ENTPD6: variants seen among roughly 807,000 people sequenced by gnomAD.
ENTPD6 encodes the protein ectonucleoside triphosphate diphosphohydrolase 6.
ENTPD6 carries 46 observed loss-of-function variants against 61.5 expected under a neutral mutation model. The ratio of observed to expected loss-of-function variants is 0.75; its 90% CI spans 0.59 to 0.96. ENTPD6 has a LOEUF of 0.96. ENTPD6 is among the 40% of genes least tolerant of loss of function. ENTPD6 has a pLI of 0.00. For missense variants in ENTPD6, 612 were observed against 629.0 expected, an observed-to-expected ratio of 0.97 and a Z score of 0.29; for synonymous variants, 252 against 255.5, an observed-to-expected ratio of 0.99 and a Z score of 0.13.
At position 25,226,474 on chromosome 20, in the gene ENTPD6, C is replaced by G. The variant is rs2092796846; in HGVS notation, c.*877C>G. 1 of 152,736 alleles carries G rather than the reference C, an allele frequency of 6.5e-6. No homozygotes were observed. Among genetic ancestry groups the G allele is most frequent in the Admixed American group, 6.5e-5 (1 of 15,284 alleles). 9.5% of individuals were successfully genotyped at this position (152,736 alleles called of 1,614,324 possible). A position where few individuals can be genotyped will look rare whatever the true frequency, so the allele number is the denominator to read the frequency against. ...AGCCAGGGCCATGTCTTAGGTGCAG[C>G]TGTGCCACGGGTCAGCTGAGCCACA... On this transcript the variant is annotated 3_prime_UTR_variant, in exon 15 of 15. Transcript: ENST00000376652.
intron 7 of ENTPD6, 27 bp downstream of exon 7, chr20:25,215,738 T>C (rs1016037359): frequency 2.5e-6 from 4 of 1,613,684 alleles, no homozygotes; most frequent in Non-Finnish European, 3.4e-6. Flanking sequence ...TCACAGAGGC[T>C]AGCCGATCAC....
At chr20:25,198,426 G>C (rs2122374707) in intron 1 of ENTPD6, among the ~76,000 whole-genome samples, 2 of 152,100 alleles carry the variant, frequency 1.3e-5, no homozygotes, top group East Asian at 3.9e-4. Context: ...AGTAAGCTGA[G>C]ATTGTGCTAC....
intron 5 of ENTPD6, 63 bp downstream of exon 5, chr20:25,213,469 A>G: frequency 2.0e-6 from 3 of 1,514,896 alleles, no homozygotes; most frequent in East Asian, 2.3e-5. Context: ...GACTGAAAAC[A>G]ACTGCTGTCT....
In ENTPD6 at chr20:25,209,855, C is replaced by G. The variant is rs747942843; in HGVS notation, c.383C>G (p.Pro128Arg). ...FQFTRPPRET[P>R]TLTHETFKAL... is the part of the protein sequence containing the mutation. ...CAACATGTTTTCCCCTTAGAAACTC[C>G]CACGTTAACCCACGAAACCTTCAAA... The change falls in exon 4 of 15, where the codon CCC becomes CGC. Residue 128 changes from proline to arginine, a missense_variant. Transcript: ENST00000376652. The G allele has an allele frequency of 2.5e-6, 4 of 1,613,948 alleles. No homozygotes were observed. The highest frequency in any genetic ancestry group is 1.7e-5 in the Admixed American group (1 of 60,030).
intron 1 of ENTPD6, chr20:25,197,090 C>T: frequency 1.0e-6 from 1 of 985,446 alleles, no homozygotes; most frequent in Non-Finnish European, 1.2e-6. Context: ...TAATGTGCTT[C>T]ATTTTTTGAT....
intron 1 of ENTPD6, among the ~76,000 whole-genome samples, chr20:25,199,261 G>A (rs938029392): frequency 1.3e-5 from 2 of 152,180 alleles, no homozygotes; most frequent in African/African-American, 4.8e-5. Flanking sequence ...GAGGAGCTCC[G>A]CCAGCACATT....
chr20:25,201,380 A>G (rs2091019525), intron 1 of ENTPD6, among the ~76,000 whole-genome samples: 1 of 152,142 alleles, frequency 6.6e-6, no homozygotes, highest in Non-Finnish European at 1.5e-5. Flanking sequence ...TATTACTATT[A>G]TTGATAGTTG....
intron 1 of ENTPD6, among the ~76,000 whole-genome samples, chr20:25,202,979 A>G (rs2091165402): frequency 1.3e-5 from 2 of 152,318 alleles, no homozygotes; most frequent in South Asian, 4.1e-4. Flanking sequence ...GAACACGCAC[A>G]TCTTTTATTA....
intron 10 of ENTPD6, 82 bp downstream of exon 10, chr20:25,218,696 G>T: frequency 1.4e-6 from 2 of 1,396,438 alleles, no homozygotes; most frequent in Non-Finnish European, 9.6e-7. Context: ...CCTCGGGAGG[G>T]CACCAGCTTG....
intron 4 of ENTPD6, among the ~76,000 whole-genome samples, chr20:25,212,718 T>G (rs2092054240): frequency 1.3e-5 from 2 of 151,954 alleles, no homozygotes; most frequent in African/African-American, 4.8e-5. Context: ...TTTGATTTGT[T>G]TTTTTGGGAT....
chr20:25,212,276 G>A (rs1375429638), intron 4 of ENTPD6, among the ~76,000 whole-genome samples: 1 of 152,204 alleles, frequency 6.6e-6, no homozygotes, highest in African/African-American at 2.4e-5. Flanking sequence ...GTGGCTCCTC[G>A]TTGTAGTTAT....
At chr20:25,204,941 C>T (rs74986629) in intron 1 of ENTPD6, among the ~76,000 whole-genome samples, 2 of 152,272 alleles carry the variant, frequency 1.3e-5, no homozygotes, top group Admixed American at 6.5e-5. Context: ...TAACCAGTCT[C>T]TAGTTGTTTT....
intron 1 of ENTPD6, 68 bp downstream of exon 1, chr20:25,195,935 C>T: frequency 1.7e-6 from 2 of 1,177,180 alleles, no homozygotes; most frequent in Non-Finnish European, 2.1e-6. Context: ...GCCTCCCCCA[C>T]GCGGGCGCGC....
chr20:25,196,031 C>T, intron 1 of ENTPD6, 164 bp downstream of exon 1: 1 of 841,004 alleles, frequency 1.2e-6, no homozygotes, highest in African/African-American at 1.8e-5. Context: ...TTAGGGCTCC[C>T]TGGATGTCTG....
chr20:25,212,782 T>C (rs2092060591), intron 4 of ENTPD6, among the ~76,000 whole-genome samples: 2 of 152,048 alleles, frequency 1.3e-5, no homozygotes, highest in South Asian at 4.2e-4. Flanking sequence ...CTCGGCTCAC[T>C]GCAAGCTCCA....
intron 12 of ENTPD6, 48 bp downstream of exon 12, chr20:25,223,026 GCGGGGGT>G: frequency 1.3e-6 from 2 of 1,514,338 alleles, no homozygotes; most frequent in East Asian, 2.4e-5. Context: ...GCGGCAGGGG[GCGGGGGT>G]GGAGGGCGTG....
At chr20:25,224,179 A>G in intron 13 of ENTPD6, 22 bp downstream of exon 13, 3 of 1,607,926 alleles carry the variant, frequency 1.9e-6, no homozygotes, top group East Asian at 2.2e-5. Flanking sequence ...TGCAGGGGCC[A>G]TCTCAGCAGG....
At chr20:25,223,118 T>C (rs1179591612) in intron 12 of ENTPD6, 140 bp downstream of exon 12, 3 of 945,932 alleles carry the variant, frequency 3.2e-6, no homozygotes, top group Non-Finnish European at 4.6e-6. Flanking sequence ...CAGAAGCAGA[T>C]TTGAGAAGGC....
chr20:25,196,990 C>G (rs932113140), intron 1 of ENTPD6: 2 of 555,704 alleles, frequency 3.6e-6, no homozygotes, highest in Non-Finnish European at 4.6e-6. Context: ...AAGGAAACAG[C>G]AGGTGGTGTT....
Sources: gnomAD v4.1 joint callset for allele counts (sites outside exome capture counted in the v4.1 genomes callset) on GRCh38, gnomAD v4.1.1 for gene constraint, MANE v1.5 for transcripts, NCBI Gene and HGNC (gene_info 2026-07-23, HGNC 2026-07-21) for gene names.